PLD2: variants seen among roughly 807,000 people sequenced by gnomAD.
PLD2 encodes the protein choline phosphatase 2.
A neutral mutation model predicts 119.8 loss-of-function variants in PLD2; 101 were observed. The observed-to-expected ratio is 0.84, with a 90% CI of 0.72 to 0.99. The LOEUF (loss-of-function observed/expected upper bound fraction) is 0.99, where lower values mean the gene tolerates loss of function less well. Ranked by LOEUF, PLD2 falls within the 50% of genes least tolerant of loss-of-function variation. PLD2 has a pLI of 0.00. For synonymous variants in PLD2, 494 were observed against 482.8 expected (o/e 1.02, Z -0.30); for missense variants, 1,164 against 1,226.8 (o/e 0.95, Z 0.76).
rs750899742 is a variant in PLD2 at position 4,817,237 on chromosome 17, G to C, written c.1793G>C (p.Gly598Ala). Residue 598 changes from glycine to alanine, a missense_variant, in exon 17 of 25, where the codon GGA becomes GCA. By Grantham distance (60) the Gly-to-Ala change is moderately conservative. Transcript: ENST00000263088. ...AATCAGCTCCCCTTCACACTTCCAG[G>C]AGGGCAGTGCACCACCGTACAGGTG... is the stretch of plus-strand genomic sequence containing the variant. The part of the protein sequence containing the change: ...TANQLPFTLP[G>A]GQCTTVQVLR... 6.2e-7 allele frequency: 1 copy of C among 1,612,508 alleles called. No homozygotes were observed. The highest frequency in any genetic ancestry group is 1.1e-5 in the South Asian group (1 of 91,064).
Position 4,808,297 on chromosome 17 carries a change from T to C in PLD2, c.264T>C (p.Ser88=). 1 of 1,614,124 alleles carries C rather than the reference T, an allele frequency of 6.2e-7. No individual in the cohort carries two copies. ...GSKVGTCTLY[S]VRLTHGDFSW... Reference sequence around the variant, plus strand: ...AGGTGGGAACCTGCACTCTGTATTCTGTCCGCTTGACTCACGGCGACTTTT... The same window carrying C: ...AGGTGGGAACCTGCACTCTGTATTCCGTCCGCTTGACTCACGGCGACTTTT... The change falls in exon 4 of 25, where the codon TCT becomes TCC. Residue 88 remains serine, a synonymous_variant. Coordinates refer to ENST00000263088, the MANE Select transcript of PLD2 (RefSeq NM_002663.5). The surrounding 1 kb of genome is among the most constrained non-coding windows in gnomAD (Gnocchi z 4.1).
intron 17 of PLD2, among the ~76,000 whole-genome samples, chr17:4,817,543 T>C (rs770978982): frequency 6.6e-6 from 1 of 150,656 alleles, no homozygotes; most frequent in African/African-American, 2.5e-5. Context: ...GTACCTGTAG[T>C]CCCAGCTACT....
At position 4,807,546 on chromosome 17, in the gene PLD2, G is replaced by T. The variant is rs1039523385; in HGVS notation, c.-1-226G>T. 2.5e-4 allele frequency: 106 copies of T among 423,188 alleles called. 2 individuals are homozygous for T. The highest frequency in any genetic ancestry group is 6.1e-5 in the Non-Finnish European group (14 of 230,164). 26.2% of individuals were successfully genotyped at this position (423,188 alleles called of 1,614,324 possible). A position where few individuals can be genotyped will look rare whatever the true frequency, so the allele number is the denominator to read the frequency against. On this transcript the variant is annotated intron_variant, in intron 1 of 24. Transcript: ENST00000263088. This position sits in a 1 kb window ranked among gnomAD's most constrained non-coding sequence, Gnocchi z 5.4. ...GGGGCTCTGGTTACGGGACGGGGCG[G>T]GGGGCGGGGGGCGGGACTGGGATTG...
chr17:4,808,052 G>T lies in PLD2; in HGVS notation c.178G>T (p.Ala60Ser). Reference sequence around the variant, plus strand: ...TCTGAAAGTGCACCCCTTGGTGTTCGCACCTGGGGTCCCTGTCACAGCCCA... The same window carrying T: ...TCTGAAAGTGCACCCCTTGGTGTTCTCACCTGGGGTCCCTGTCACAGCCCA... ...QSLKVHPLVF[A>S]PGVPVTAQVV... The change falls in exon 3 of 25, where the codon GCA becomes TCA. Residue 60 changes from alanine to serine, a missense_variant. Ala to Ser is a moderately conservative substitution (Grantham distance 99, BLOSUM62 1). Coordinates refer to ENST00000263088, the MANE Select transcript of PLD2 (RefSeq NM_002663.5). This position sits in a 1 kb window ranked among gnomAD's most constrained non-coding sequence, Gnocchi z 4.1. 1.6e-5 allele frequency: 26 copies of T among 1,612,196 alleles called. No individual in the cohort carries two copies. The highest frequency in any genetic ancestry group is 2.2e-5 in the Non-Finnish European group (26 of 1,178,450).
chr17:4,819,203 C>T lies in PLD2; in HGVS notation c.2293C>T (p.Arg765Trp), dbSNP rs746497873. Residue 765 changes from arginine to tryptophan, a missense_variant, in exon 22 of 25, where the codon CGG becomes TGG. Physicochemically the swap from Arg to Trp is moderately radical, Grantham distance 101. Coordinates refer to ENST00000263088, the MANE Select transcript of PLD2 (RefSeq NM_002663.5). The surrounding 1 kb of genome is among the most constrained non-coding windows in gnomAD (Gnocchi z 4.2). ...CAGCAAGGTGCTCATCGCAGATGACCGGACAGTCATCATTGGTCAGTGCCG... is the reference window on the plus strand; with the variant it reads ...CAGCAAGGTGCTCATCGCAGATGACTGGACAGTCATCATTGGTCAGTGCCG... ...IHSKVLIADD[R>W]TVIIGSANIN... is the part of the protein sequence containing the mutation. 1.2e-5 allele frequency: 20 copies of T among 1,613,968 alleles called. No homozygotes were observed. The highest frequency in any genetic ancestry group is 4.0e-5 in the African/African-American group (3 of 74,924).
rs1907370945 is a variant in PLD2, at chr17:4,819,176, C to T, written c.2266C>T (p.His756Tyr). The change falls in exon 22 of 25, where the codon CAC (histidine) becomes TAC (tyrosine). Residue 756 changes from histidine (H) to tyrosine (Y), a missense_variant. His to Tyr is a moderately conservative substitution (Grantham distance 83). Transcript: ENST00000263088. This position sits in a 1 kb window ranked among gnomAD's most constrained non-coding sequence, Gnocchi z 4.2. ...GHPVSELIYI[H>Y]SKVLIADDRT... The stretch of plus-strand genomic sequence containing the variant: ...CCCCGTCTCGGAGCTCATCTACATC[C>T]ACAGCAAGGTGCTCATCGCAGATGA... The T allele has an allele frequency of 6.2e-7, 1 of 1,614,170 alleles. No homozygotes were observed. The highest frequency in any genetic ancestry group is 8.5e-7 in the Non-Finnish European group (1 of 1,180,030).
intron 12 of PLD2, 63 bp downstream of exon 12, chr17:4,814,774 G>C: frequency 7.0e-7 from 1 of 1,431,938 alleles, no homozygotes; most frequent in Non-Finnish European, 9.8e-7. Context: ...TGATTAGCAG[G>C]GCTGCAGTGT....
chr17:4,817,897 G>A lies in PLD2; in HGVS notation c.1816-105G>A, dbSNP rs186836379. 1.5e-5 allele frequency: 11 copies of A among 712,020 alleles called. No individual in the cohort carries two copies. The African/African-American group carries it at 1.9e-4, about 13-fold the overall frequency. 44.1% of individuals were successfully genotyped at this position (712,020 alleles called of 1,614,324 possible). On this transcript the variant is annotated intron_variant, in intron 17 of 24. Transcript: ENST00000263088. ...GGCGTGAACCCAGGAGGAGGAGCTT[G>A]CAGTGAGCGGAGATCATGCCACTGC...
rs1907462796 is a variant in PLD2 at position 4,819,827 on chromosome 17, T to C, written c.2462+245T>C. Among the ~76,000 whole-genome samples the C allele has an allele frequency of 6.6e-6, 1 of 151,966 alleles. No homozygotes were observed. The highest frequency in any genetic ancestry group is 6.6e-5 in the Admixed American group (1 of 15,250). On this transcript the variant is annotated intron_variant, in intron 23 of 24. Coordinates refer to ENST00000263088, the MANE Select transcript of PLD2 (RefSeq NM_002663.5). The surrounding 1 kb of genome is among the most constrained non-coding windows in gnomAD (Gnocchi z 4.2). The stretch of plus-strand genomic sequence containing the variant: ...AGCCTGGCTAACATAGTGAAACCCG[T>C]CTCTACTAAAAATACAAAAAATCAG...
At chr17:4,812,121 C>CTT (rs969556549) in intron 10 of PLD2, among the ~76,000 whole-genome samples, 4 of 145,208 alleles carry the variant, frequency 2.8e-5, no homozygotes, top group Non-Finnish European at 4.6e-5. Flanking sequence ...GGCCTATATA[C>CTT]TTTTTTTTTT....
Position 4,815,786 on chromosome 17 carries a change from T to G in PLD2, c.1307T>G (p.Val436Gly), listed in dbSNP as rs1272652914. 1.2e-6 allele frequency: 2 copies of G among 1,614,012 alleles called. No individual in the cohort carries two copies. The highest frequency in any genetic ancestry group is 1.7e-6 in the Non-Finnish European group (2 of 1,179,960). ...NIKVMRHPDQ[V>G]TLWAHHEKLL... ...CAGGTGATGCGTCACCCAGACCAAG[T>G]GACGTTGTGGGCCCATCATGAGAAG... The change falls in exon 14 of 25, where the codon GTG becomes GGG. Residue 436 changes from valine (V) to glycine (G), a missense_variant. Physicochemically the swap from Val to Gly is moderately radical, Grantham distance 109 (BLOSUM62 -3). Coordinates refer to ENST00000263088, the MANE Select transcript of PLD2 (RefSeq NM_002663.5).
intron 23 of PLD2, 98 bp from the exon 24 acceptor site, chr17:4,821,695 A>T: frequency 1.2e-6 from 1 of 815,186 alleles, no homozygotes; most frequent in Admixed American, 1.9e-5. Flanking sequence ...GCACCCAGCC[A>T]ATTTTGAATT....
rs2150665924 is a variant in PLD2 at position 4,807,439 on chromosome 17, C to T, written c.-2+214C>T. 5.0e-6 allele frequency: 1 copy of T among 201,262 alleles called. No individual in the cohort carries two copies. The highest frequency in any genetic ancestry group is 2.3e-5 in the African/African-American group (1 of 43,146). 12.5% of individuals were successfully genotyped at this position (201,262 alleles called of 1,614,324 possible). On this transcript the variant is annotated intron_variant, in intron 1 of 24. Coordinates refer to ENST00000263088, the MANE Select transcript of PLD2 (RefSeq NM_002663.5). This position sits in a 1 kb window ranked among gnomAD's most constrained non-coding sequence, Gnocchi z 5.4. The stretch of plus-strand genomic sequence containing the variant: ...CGTGAGCCCCGTAGCCGCGCGCTCT[C>T]CGGACCACCCAGGGCCGCTTCCCCG...
intron 10 of PLD2, among the ~76,000 whole-genome samples, chr17:4,813,072 C>T (rs1906635247): frequency 1.3e-5 from 2 of 152,112 alleles, no homozygotes; most frequent in South Asian, 4.1e-4. Flanking sequence ...TGCAGTGGCG[C>T]GATACCAGCT....
Position 4,823,055 on chromosome 17 carries a change from G to C in PLD2, c.*191G>C. On this transcript the variant is annotated 3_prime_UTR_variant, in exon 25 of 25. Transcript: ENST00000263088. ...CTGAAAAGGGCACTCCCAACCCTGG[G>C]CTGGGGAGGAGGAGAGAGTCCCAGA... 1.8e-6 allele frequency: 1 copy of C among 570,574 alleles called. No homozygotes were observed. 35.3% of individuals were successfully genotyped at this position (570,574 alleles called of 1,614,324 possible).
At chr17:4,811,660 C>T (rs1025884709) in intron 10 of PLD2, among the ~76,000 whole-genome samples, 1 of 152,186 alleles carries the variant, frequency 6.6e-6, no homozygotes, top group Non-Finnish European at 1.5e-5. Flanking sequence ...GTGATCAAAT[C>T]GTGAAACAAT....
Position 4,819,136 on chromosome 17 carries a change from A to G in PLD2, c.2226A>G (p.Gly742=). 1.9e-6 allele frequency: 3 copies of G among 1,614,138 alleles called. No individual in the cohort carries two copies. The highest frequency in any genetic ancestry group is 2.5e-6 in the Non-Finnish European group (3 of 1,180,034). ...YISICGLRTH[G]ELGGHPVSEL... ...CCATCTGCGGGCTTCGTACACACGG[A>G]GAGCTGGGCGGGCACCCCGTCTCGG... Residue 742 remains glycine, a synonymous_variant, in exon 22 of 25, where the codon GGA becomes GGG. Transcript: ENST00000263088. The surrounding 1 kb of genome is among the most constrained non-coding windows in gnomAD (Gnocchi z 4.2).
intron 21 of PLD2, 70 bp downstream of exon 21, chr17:4,818,893 G>A: frequency 1.3e-6 from 2 of 1,543,330 alleles, no homozygotes; most frequent in Non-Finnish European, 1.8e-6. Context: ...CTGCAGGCCT[G>A]GGGGTGGGGG....
In PLD2 at chr17:4,807,620, G is replaced by A; in HGVS notation, c.-1-152G>A. 1 of 574,100 alleles carries A rather than the reference G, an allele frequency of 1.7e-6. No individual in the cohort carries two copies. The highest frequency in any genetic ancestry group is 2.1e-5 in the South Asian group (1 of 47,468). 35.6% of individuals were successfully genotyped at this position (574,100 alleles called of 1,614,324 possible). Reference sequence around the variant, plus strand: ...ATGGGGGCTCGAAGGGGTCGGTGGGGCGTTGCAAACTGGTCAGGCGTCATC... The same window carrying A: ...ATGGGGGCTCGAAGGGGTCGGTGGGACGTTGCAAACTGGTCAGGCGTCATC... On this transcript the variant is annotated intron_variant, in intron 1 of 24. Coordinates refer to ENST00000263088, the MANE Select transcript of PLD2 (RefSeq NM_002663.5). The surrounding 1 kb of genome is among the most constrained non-coding windows in gnomAD (Gnocchi z 5.4).
Sources: gnomAD v4.1 joint callset for allele counts (sites outside exome capture counted in the v4.1 genomes callset) on GRCh38, gnomAD v4.1.1 for gene constraint, Gnocchi (gnomAD v3.1) non-coding constraint, MANE v1.5 for transcripts, NCBI Gene and HGNC (gene_info 2026-07-23, HGNC 2026-07-21) for gene names.